SRP14: variants seen among roughly 807,000 people sequenced by gnomAD.
The protein encoded by SRP14 is signal recognition particle 14 kDa protein.
Under a neutral mutation model 16.0 loss-of-function variants are expected in SRP14, and 1 was observed. The ratio of observed to expected loss-of-function variants is 0.06; its 90% CI spans 0.02 to 0.30. The LOEUF is 0.30. Among genes scored for constraint, SRP14 ranks in the 10% least tolerant of loss-of-function variants. The pLI is 1.00. For synonymous variants in SRP14, 67 were observed against 60.1 expected (o/e 1.12, Z -0.53); for missense variants, 120 against 163.1 (o/e 0.74, Z 1.44).
intron 2 of SRP14, chr15:40,038,609 C>T (rs2035668396): frequency 1.6e-6 from 1 of 608,432 alleles, no homozygotes; most frequent in East Asian, 2.7e-5. Flanking sequence ...ACGTTAAATT[C>T]CACTCAAAGT....
intron 3 of SRP14, among the ~76,000 whole-genome samples, chr15:40,037,834 C>T (rs938451052): frequency 3.3e-5 from 5 of 152,218 alleles, no homozygotes; most frequent in Non-Finnish European, 7.3e-5. Flanking sequence ...TATTCAACCT[C>T]CACTGAAAGA....
Position 40,035,727 on chromosome 15 carries a change from C to T in SRP14, c.*606G>A, listed in dbSNP as rs17848506. On this transcript the variant is annotated 3_prime_UTR_variant, in exon 5 of 5. Coordinates refer to ENST00000267884, the MANE Select transcript of SRP14 (RefSeq NM_003134.6). ...ATCCAAACCAAAGGGCATAAAGAAA[C>T]CAAAAATCATAATTACTTTGGAACC... 6.6e-6 allele frequency: 1 copy of T among 152,160 alleles called. No individual in the cohort carries two copies. 9.4% of individuals were successfully genotyped at this position (152,160 alleles called of 1,614,324 possible). A position where few individuals can be genotyped will look rare whatever the true frequency, so the allele number is the denominator to read the frequency against.
intron 3 of SRP14, among the ~76,000 whole-genome samples, chr15:40,037,850 G>A (rs1188339085): frequency 6.6e-6 from 1 of 151,948 alleles, no homozygotes; most frequent in African/African-American, 2.4e-5. Context: ...AAAGACTAGG[G>A]CTCTTGACTA....
chr15:40,036,247 G>A lies in SRP14; in HGVS notation c.*86C>T. 6.3e-7 allele frequency: 1 copy of A among 1,582,424 alleles called. No homozygotes were observed. Among genetic ancestry groups the A allele is most frequent in the Non-Finnish European group, 8.6e-7 (1 of 1,160,154 alleles). ...AATCTTATGTGAAAACACCTACTGT[G>A]GGGGAACCAGAAACCTAGCTATCTG... is the stretch of plus-strand genomic sequence containing the variant. On this transcript the variant is annotated 3_prime_UTR_variant, in exon 5 of 5. Coordinates refer to ENST00000267884, the MANE Select transcript of SRP14 (RefSeq NM_003134.6).
Position 40,036,265 on chromosome 15 carries a change from G to A in SRP14, c.*68C>T. 2 of 1,595,202 alleles carry A rather than the reference G, an allele frequency of 1.3e-6. No homozygotes were observed. On this transcript the variant is annotated 3_prime_UTR_variant, in exon 5 of 5. Transcript: ENST00000267884. ...CTACTGTGGGGGAACCAGAAACCTA[G>A]CTATCTGGCCAAAAGGAAAAAATAG... is the stretch of plus-strand genomic sequence containing the variant.
intron 3 of SRP14, chr15:40,037,380 A>G (rs1389089853): frequency 7.9e-7 from 1 of 1,260,318 alleles, no homozygotes; most frequent in Non-Finnish European, 1.0e-6. Flanking sequence ...AGGACTTCTC[A>G]GTATTAATTT....
Position 40,036,976 on chromosome 15 carries a change from C to T in SRP14, c.243+10G>A, listed in dbSNP as rs751610822. The stretch of plus-strand genomic sequence containing the variant: ...TGAGAAGGGAAACATAAGGAACACC[C>T]AAAACTCACCATCTGAAACTTATTC... On this transcript the variant is annotated intron_variant, in intron 4 of 4. Transcript: ENST00000267884. 1.2e-6 allele frequency: 2 copies of T among 1,613,894 alleles called. No individual in the cohort carries two copies. Among genetic ancestry groups the T allele is most frequent in the East Asian group, 2.2e-5 (1 of 44,862 alleles).
chr15:40,038,784 A>G, intron 2 of SRP14, 92 bp downstream of exon 2: 7 of 1,373,302 alleles, frequency 5.1e-6, no homozygotes, highest in Non-Finnish European at 7.1e-6. Context: ...GGAAAGGTAG[A>G]GGAAGGCGGC....
At chr15:40,039,195 CT>C, upstream of SRP14, 1 of 1,511,942 alleles carries the variant, frequency 6.6e-7, no homozygotes, top group Non-Finnish European at 9.0e-7. Flanking sequence ...CTGGGCGGGA[CT>C]TCCGCTACTA....
At chr15:40,037,369 G>A (rs2035643644) in intron 3 of SRP14, 2 of 1,284,992 alleles carry the variant, frequency 1.6e-6, no homozygotes, top group African/African-American at 1.5e-5. Flanking sequence ...AGAAAAGTCA[G>A]AGGACTTCTC....
rs557700724 is a variant in SRP14 at position 40,038,783 on chromosome 15, G to C, written c.97+93C>G. The C allele has an allele frequency of 1.8e-3, 2,424 of 1,367,016 alleles. 52 individuals carry two copies. In the South Asian group the frequency reaches 0.028, roughly 16 times the overall value. The allele number at this position is 1,367,016 out of a possible 1,614,324, so 84.7% of individuals were successfully genotyped here. ...GCTCAGTACAGGGTGGGGAAAGGTAGAGGAAGGCGGCGGTCCGCGGCAGAC... is the reference window on the plus strand; with the variant it reads ...GCTCAGTACAGGGTGGGGAAAGGTACAGGAAGGCGGCGGTCCGCGGCAGAC... On this transcript the variant is annotated intron_variant, in intron 2 of 4. Coordinates refer to ENST00000267884, the MANE Select transcript of SRP14 (RefSeq NM_003134.6).
Position 40,036,142 on chromosome 15 carries a change from A to G in SRP14, c.*191T>C, listed in dbSNP as rs1314077937. ...GTATATAACCATGCAGCACAGACCA[A>G]TTAGCCAAATGCAAAATAAACTAGA... On this transcript the variant is annotated 3_prime_UTR_variant, in exon 5 of 5. Coordinates refer to ENST00000267884, the MANE Select transcript of SRP14 (RefSeq NM_003134.6). 1.0e-6 allele frequency: 1 copy of G among 999,760 alleles called. No homozygotes were observed. Among genetic ancestry groups the G allele is most frequent in the East Asian group, 2.5e-5 (1 of 40,098 alleles). 61.9% of individuals were successfully genotyped at this position (999,760 alleles called of 1,614,324 possible).
At chr15:40,038,785 G>C in intron 2 of SRP14, 91 bp downstream of exon 2, 1 of 1,389,958 alleles carries the variant, frequency 7.2e-7, no homozygotes, top group Non-Finnish European at 1.0e-6. Flanking sequence ...GAAAGGTAGA[G>C]GAAGGCGGCG....
chr15:40,036,148 C>G lies in SRP14; in HGVS notation c.*185G>C. On this transcript the variant is annotated 3_prime_UTR_variant, in exon 5 of 5. Coordinates refer to ENST00000267884, the MANE Select transcript of SRP14 (RefSeq NM_003134.6). ...AACCATGCAGCACAGACCAATTAGC[C>G]AAATGCAAAATAAACTAGATTCTTA... The G allele has an allele frequency of 9.2e-7, 1 of 1,089,328 alleles. No individual in the cohort carries two copies. The highest frequency in any genetic ancestry group is 1.3e-6 in the Non-Finnish European group (1 of 760,638). 67.5% of individuals were successfully genotyped at this position (1,089,328 alleles called of 1,614,324 possible). A position where few individuals can be genotyped will look rare whatever the true frequency, so the allele number is the denominator to read the frequency against.
chr15:40,037,296 C>CAAAAAAAAAAAAAAAAAAAAAAA (rs774835123), intron 3 of SRP14: 1 of 549,052 alleles, frequency 1.8e-6, no homozygotes, highest in African/African-American at 4.8e-5. Flanking sequence ...AAAAAAAAAG[C>CAAAAAAAAAAAAAAAAAAAAAAA]TTTGTTTCTC....
At chr15:40,037,384 T>C in intron 3 of SRP14, 1 of 1,240,664 alleles carries the variant, frequency 8.1e-7, no homozygotes, top group Non-Finnish European at 1.0e-6. Context: ...CTTCTCAGTA[T>C]TAATTTTTTA....
intron 4 of SRP14, 89 bp from the exon 5 acceptor site, chr15:40,036,589 CA>C: frequency 2.3e-6 from 3 of 1,315,694 alleles, no homozygotes; most frequent in Non-Finnish European, 3.2e-6. Context: ...TTAGGGTAGC[CA>C]AAAATCAGGA....
At chr15:40,037,387 AT>A in intron 3 of SRP14, 1 of 1,227,230 alleles carries the variant, frequency 8.1e-7, no homozygotes, top group Non-Finnish European at 1.0e-6. Context: ...CTCAGTATTA[AT>A]TTTTTATACA....
chr15:40,038,802 G>A (rs2140957667), intron 2 of SRP14, 74 bp downstream of exon 2: 2 of 1,529,868 alleles, frequency 1.3e-6, no homozygotes, highest in East Asian at 4.6e-5. Flanking sequence ...GGCGGTCCGC[G>A]GCAGACAGAC....
Sources: gnomAD v4.1 joint callset for allele counts (sites outside exome capture counted in the v4.1 genomes callset) on GRCh38, gnomAD v4.1.1 for gene constraint, MANE v1.5 for transcripts, NCBI Gene and HGNC (gene_info 2026-07-23, HGNC 2026-07-21) for gene names.